The following RANBP2 variants were observed in gnomAD, a reference collection of about 807,000 sequenced individuals.
RANBP2 encodes the protein RAN binding protein 2, also known as E3 SUMO-protein ligase RanBP2.
Under a neutral mutation model 303.6 loss-of-function variants are expected in RANBP2, and 57 were observed. That is an observed-to-expected ratio of 0.19 (90% CI 0.15 to 0.23). The LOEUF is 0.23. RANBP2 is among the 10% of genes least tolerant of loss of function. The pLI is 1.00. For synonymous variants in RANBP2, 1,167 were observed against 1,301.5 expected (o/e 0.90, Z 2.23); for missense variants, 3,138 against 3,780.8 (o/e 0.83, Z 4.46).
the RANBP2 span, among the ~76,000 whole-genome samples, chr2:109,198,897 A>G: frequency 4.6e-5 from 7 of 152,204 alleles, no homozygotes; most frequent in Non-Finnish European, 8.8e-5. Flanking sequence ...CATAGTGGCA[A>G]ATGTTTGCGT....
At chr2:109,158,172 C>T in the RANBP2 span, among the ~76,000 whole-genome samples, 38 of 152,246 alleles carry the variant, frequency 2.5e-4, no homozygotes, top group South Asian at 4.1e-4. Context: ...GACTTCAAAA[C>T]ACACGACTGC....
At chr2:109,399,973 A>G in the RANBP2 span, among the ~76,000 whole-genome samples, 1 of 152,314 alleles carries the variant, frequency 6.6e-6, no homozygotes, top group African/African-American at 2.4e-5. Flanking sequence ...CACGCTCCAC[A>G]TTCCTTCCAG....
At chr2:109,507,194 C>T in the RANBP2 span, among the ~76,000 whole-genome samples, 29 of 152,270 alleles carry the variant, frequency 1.9e-4, no homozygotes, top group South Asian at 4.4e-3. Flanking sequence ...CCCACTGCCA[C>T]GACGTCTGTG....
the RANBP2 span, chr2:108,929,261 C>T: frequency 2.3e-5 from 37 of 1,614,022 alleles, no homozygotes; most frequent in African/African-American, 4.0e-5. Context: ...CACGGTGGCC[C>T]GGAAGAAGCC....
the RANBP2 span, among the ~76,000 whole-genome samples, chr2:108,977,354 C>T: frequency 3.3e-5 from 5 of 152,268 alleles, no homozygotes; most frequent in South Asian, 4.1e-4. Context: ...CTGCAAGCTG[C>T]GCCTCCCGGG....
the RANBP2 span, among the ~76,000 whole-genome samples, chr2:109,525,505 C>G: frequency 6.6e-6 from 1 of 152,142 alleles, no homozygotes; most frequent in Admixed American, 6.5e-5. Context: ...AGCCGGAGCC[C>G]CACAGGCCTA....
chr2:108,955,662 C>T, the RANBP2 span, among the ~76,000 whole-genome samples: 18 of 151,516 alleles, frequency 1.2e-4, no homozygotes, highest in East Asian at 3.5e-3. Context: ...GCCGAGATCA[C>T]ACCACTGCAC....
the RANBP2 span, among the ~76,000 whole-genome samples, chr2:109,696,323 T>G: frequency 6.6e-6 from 1 of 152,250 alleles, no homozygotes; most frequent in African/African-American, 2.4e-5. Flanking sequence ...ATATCTGATA[T>G]TTAGGTCTAT....
the RANBP2 span, among the ~76,000 whole-genome samples, chr2:108,854,573 C>T: frequency 6.6e-6 from 1 of 152,120 alleles, no homozygotes; most frequent in Non-Finnish European, 1.5e-5. Flanking sequence ...TGTTAGACTA[C>T]ATTAGTTGTT....
chr2:109,448,033 A>G, the RANBP2 span, among the ~76,000 whole-genome samples: 223 of 152,212 alleles, frequency 1.5e-3, 2 homozygotes, highest in African/African-American at 5.0e-3. Flanking sequence ...TCTTCCTGCA[A>G]TTGTCCCCAG....
the RANBP2 span, among the ~76,000 whole-genome samples, chr2:109,774,504 ATATATATATAATATATATTATATATAT>A: frequency 4.1e-5 from 1 of 24,344 alleles, no homozygotes; most frequent in African/African-American, 3.1e-4. Context: ...ACAAACATAT[ATATATATATAATATATATTATATATAT>A]TATATATAAA....
chr2:109,738,578 CGAAAGTGCTGGGATTACAGGTGTGAGTCA>C, the RANBP2 span, among the ~76,000 whole-genome samples: 1 of 152,170 alleles, frequency 6.6e-6, no homozygotes, highest in Non-Finnish European at 1.5e-5. Context: ...CCTCAGCCTC[CGAAAGTGCTGGGATTACAGGTGTGAGTCA>C]CTGCGCCCAG....
the RANBP2 span, among the ~76,000 whole-genome samples, chr2:109,313,880 T>C: frequency 6.9e-6 from 1 of 145,574 alleles, no homozygotes; most frequent in East Asian, 2.0e-4. Context: ...ATTTGAAGAG[T>C]GGCAGTGGAG....
the RANBP2 span, chr2:108,906,270 G>A: frequency 6.2e-7 from 1 of 1,607,832 alleles, no homozygotes. Flanking sequence ...TGTCGGTGGG[G>A]TGGGCACCAC....
the RANBP2 span, chr2:108,812,824 A>G: frequency 6.2e-7 from 1 of 1,612,800 alleles, no homozygotes; most frequent in Non-Finnish European, 8.5e-7. Context: ...TTGCAGAGGA[A>G]GTACGAGTTT....
chr2:109,615,843 A>G, the RANBP2 span: 1 of 1,614,158 alleles, frequency 6.2e-7, no homozygotes, highest in Non-Finnish European at 8.5e-7. Context: ...GGTCGGAGGC[A>G]AAGCCAAGGA....
the RANBP2 span, among the ~76,000 whole-genome samples, chr2:109,530,574 T>C: frequency 6.6e-6 from 1 of 152,182 alleles, no homozygotes; most frequent in African/African-American, 2.4e-5. Context: ...AATACCGGAA[T>C]GATATGCAAG....
At chr2:109,664,239 A>G in the RANBP2 span, among the ~76,000 whole-genome samples, 3 of 152,232 alleles carry the variant, frequency 2.0e-5, no homozygotes, top group Non-Finnish European at 4.4e-5. Flanking sequence ...TTCAAACAAC[A>G]ATATGAATTT....
chr2:108,738,725 T>C (rs1384835306), intron 6 of RANBP2, among the ~76,000 whole-genome samples: 1 of 149,474 alleles, frequency 6.7e-6, no homozygotes, highest in African/African-American at 2.5e-5. Flanking sequence ...GCTTCCCAGG[T>C]TCAAGCAATT....
Sources: gnomAD v4.1 joint callset for allele counts (sites outside exome capture counted in the v4.1 genomes callset) on GRCh38, gnomAD v4.1.1 for gene constraint, MANE v1.5 for transcripts, NCBI Gene and HGNC (gene_info 2026-07-23, HGNC 2026-07-21) for gene names.